The following CAD variants were observed in gnomAD, a reference collection of about 807,000 sequenced individuals.
CAD encodes the protein carbamoyl-phosphate synthetase 2, aspartate transcarbamylase, and dihydroorotase, also known as multifunctional protein CAD.
A neutral mutation model predicts 237.2 loss-of-function variants in CAD; 81 were observed. The observed-to-expected ratio is 0.34, with a 90% confidence interval of 0.29 to 0.41. The LOEUF is 0.41. Ranked by LOEUF, CAD falls within the 10% of genes least tolerant of loss-of-function variation. The pLI, the probability that CAD is intolerant of heterozygous loss-of-function variation, is 1.00. For missense variants in CAD, 2,181 were observed against 2,951.7 expected, an observed-to-expected ratio of 0.74 and a Z score of 6.05; for synonymous variants, 1,196 against 1,162.8, an observed-to-expected ratio of 1.03 and a Z score of -0.58.
rs892095238 is a variant in CAD, at chr2:27,240,414, C to T, written c.5593+53C>T. ...GACTGTGTAGGGACAGGATCCACTTCTTCCCAGTGCCTCGCCTTTCTCTAC... is the reference window on the plus strand; with the variant it reads ...GACTGTGTAGGGACAGGATCCACTTTTTCCCAGTGCCTCGCCTTTCTCTAC... On this transcript the variant is annotated intron_variant, in intron 35 of 43. Transcript: ENST00000264705. This position sits in a 1 kb window ranked among gnomAD's most constrained non-coding sequence, Gnocchi z 4.6. The T allele has an allele frequency of 8.4e-6, 13 of 1,546,606 alleles. No homozygotes were observed. The highest frequency in any genetic ancestry group is 2.2e-5 in the South Asian group (2 of 89,690).
In CAD at chr2:27,225,792, A is replaced by G; in HGVS notation, c.1708A>G (p.Asn570Asp). The G allele has an allele frequency of 1.2e-6, 2 of 1,614,138 alleles. No individual in the cohort carries two copies. The highest frequency in any genetic ancestry group is 1.7e-6 in the Non-Finnish European group (2 of 1,180,006). The change falls in exon 12 of 44, where the codon AAC (asparagine) becomes GAC (aspartate). Residue 570 changes from asparagine (N) to aspartate (D), a missense_variant. Physicochemically the swap from Asn to Asp is conservative, Grantham distance 23. Coordinates refer to ENST00000264705, the MANE Select transcript of CAD (RefSeq NM_004341.5). ...TGGCCTGGGCTCTGGCTTTGCCTCTAACAGGGAGGAGCTCTCTGCTCTCGT... is the reference window on the plus strand; with the variant it reads ...TGGCCTGGGCTCTGGCTTTGCCTCTGACAGGGAGGAGCTCTCTGCTCTCGT... ...LGGLGSGFAS[N>D]REELSALVAP...
chr2:27,221,248 G>A lies in CAD; in HGVS notation c.253G>A (p.Ala85Thr). 1 of 1,579,176 alleles carries A rather than the reference G, an allele frequency of 6.3e-7. No individual in the cohort carries two copies. Among genetic ancestry groups the A allele is most frequent in the Non-Finnish European group, 8.6e-7 (1 of 1,161,030 alleles). Residue 85 changes from alanine to threonine, a missense_variant, in exon 3 of 44, where the codon GCA (alanine) becomes ACA (threonine). By Grantham distance (58) the Ala-to-Thr change is moderately conservative. Transcript: ENST00000264705. ...WFESSGIHVA[A>T]LVVGECCPTP... ...TGAATCCTCGGGCATCCACGTAGCA[G>A]CACTGGTAGTGGGAGAGTGCTGTCC...
At position 27,223,652 on chromosome 2, in the gene CAD, A is replaced by G. The variant is rs768375609; in HGVS notation, c.899A>G (p.Glu300Gly). ...LTSQNHGFAV[E>G]TDSLPADWAP... ...TCCCAGAACCATGGGTTTGCTGTGGAGACAGACTCACTGCCAGCAGACTGG... is the reference window on the plus strand; with the variant it reads ...TCCCAGAACCATGGGTTTGCTGTGGGGACAGACTCACTGCCAGCAGACTGG... Residue 300 changes from glutamate to glycine, a missense_variant, in exon 7 of 44, where the codon GAG (glutamate) becomes GGG (glycine). By Grantham distance (98) the Glu-to-Gly change is moderately conservative. This residue lies in a region of CAD where 129 missense variants were observed against 143.3 expected (regional missense o/e 0.90). Transcript: ENST00000264705. 1.9e-6 allele frequency: 3 copies of G among 1,614,128 alleles called. No homozygotes were observed. The highest frequency in any genetic ancestry group is 2.5e-6 in the Non-Finnish European group (3 of 1,180,016).
chr2:27,235,322 G>A lies in CAD; in HGVS notation c.3864G>A (p.Val1288=), dbSNP rs776691809. Reference sequence around the variant, plus strand: ...TGGAAATGACCAGTACTGGGGAGGTGGCCGGCTTTGGGGAGAGCCGCTGTG... The same window carrying A: ...TGGAAATGACCAGTACTGGGGAGGTAGCCGGCTTTGGGGAGAGCCGCTGTG... ...LGVEMTSTGE[V]AGFGESRCEA... Residue 1288 remains valine, a synonymous_variant, in exon 24 of 44, where the codon GTG becomes GTA. Coordinates refer to ENST00000264705, the MANE Select transcript of CAD (RefSeq NM_004341.5). This position sits in a 1 kb window ranked among gnomAD's most constrained non-coding sequence, Gnocchi z 5.2. 17 of 1,613,952 alleles carry A rather than the reference G, an allele frequency of 1.1e-5. No individual in the cohort carries two copies. The highest frequency in any genetic ancestry group is 6.7e-5 in the East Asian group (3 of 44,872).
chr2:27,242,857 C>T lies in CAD; in HGVS notation c.6379-15C>T. The T allele has an allele frequency of 6.2e-7, 1 of 1,613,832 alleles. No homozygotes were observed. The highest frequency in any genetic ancestry group is 8.5e-7 in the Non-Finnish European group (1 of 1,179,692). On this transcript the variant is annotated splice_polypyrimidine_tract_variant and intron_variant, in intron 41 of 43. Transcript: ENST00000264705. This position sits in a 1 kb window ranked among gnomAD's most constrained non-coding sequence, Gnocchi z 6.4. ...GCCCAGCGCTGCATCCACCATGGCT[C>T]TCCTCACCCTCCAGGAGGAATTCGA...
rs1441460399 is a variant in CAD, at chr2:27,239,798, G to A, written c.5496G>A (p.Thr1832=). Residue 1832 remains threonine (T), a splice_region_variant and synonymous_variant, in exon 34 of 44, where the codon ACG becomes ACA. Transcript: ENST00000264705. The surrounding 1 kb of genome is among the most constrained non-coding windows in gnomAD (Gnocchi z 4.0). ...CCCCTGCCACTAGTGAGATGACCAC[G>A]GTATCCACACTACTGGGCTAGGGGG... ...PSAPATSEMT[T]TPERPRRGIP... 6 of 1,546,154 alleles carry A rather than the reference G, an allele frequency of 3.9e-6. No homozygotes were observed. Among genetic ancestry groups the A allele is most frequent in the South Asian group, 2.5e-5 (2 of 80,370 alleles).
rs1274326792 is a variant in CAD, at chr2:27,222,522, C to A, written c.499C>A (p.Pro167Thr). 1.9e-6 allele frequency: 3 copies of A among 1,613,818 alleles called. No individual in the cohort carries two copies. Among genetic ancestry groups the A allele is most frequent in the African/African-American group, 2.7e-5 (2 of 74,910 alleles). ...CCTTTATTCGTCTATTTCTCAGACT[C>A]CACGGGTATTCAATACAGGGGGTGC... ...PLVPEVSIKTPRVFNTGGAPR... is the reference protein window; with the variant it reads ...PLVPEVSIKTTRVFNTGGAPR... Residue 167 changes from proline (P) to threonine (T), a missense_variant, in exon 5 of 44, where the codon CCA (proline) becomes ACA (threonine). Transcript: ENST00000264705.
intron 23 of CAD, 121 bp downstream of exon 23, chr2:27,234,806 G>A: frequency 3.3e-6 from 3 of 919,690 alleles, no homozygotes; most frequent in Non-Finnish European, 5.0e-6. Context: ...GATCGTGGGG[G>A]TAATGAGGTG....
chr2:27,233,249 C>A lies in CAD; in HGVS notation c.2992-63C>A. Reference sequence around the variant, plus strand: ...GGTGGCGGCTGAGGGAAGCAGTGAGCAGGAAGGCTCAGATTCCTGCCCTCT... The same window carrying A: ...GGTGGCGGCTGAGGGAAGCAGTGAGAAGGAAGGCTCAGATTCCTGCCCTCT... On this transcript the variant is annotated intron_variant, in intron 19 of 43. Transcript: ENST00000264705. This position sits in a 1 kb window ranked among gnomAD's most constrained non-coding sequence, Gnocchi z 6.3. The A allele has an allele frequency of 1.3e-6, 2 of 1,530,436 alleles. No homozygotes were observed. The highest frequency in any genetic ancestry group is 1.8e-6 in the Non-Finnish European group (2 of 1,105,024). 94.8% of individuals were successfully genotyped at this position (1,530,436 alleles called of 1,614,324 possible).
In CAD at chr2:27,233,216, T is replaced by C; in HGVS notation, c.2991+76T>C. 1 of 1,513,196 alleles carries C rather than the reference T, an allele frequency of 6.6e-7. No individual in the cohort carries two copies. Among genetic ancestry groups the C allele is most frequent in the South Asian group, 1.1e-5 (1 of 88,436 alleles). The allele number at this position is 1,513,196 out of a possible 1,614,324, so 93.7% of individuals were successfully genotyped here. A position where few individuals can be genotyped will look rare whatever the true frequency, so the allele number is the denominator to read the frequency against. On this transcript the variant is annotated intron_variant, in intron 19 of 43. Transcript: ENST00000264705. The surrounding 1 kb of genome is among the most constrained non-coding windows in gnomAD (Gnocchi z 6.3). ...AACAGCTGGCTGACCTAAGATTCTT[T>C]GAAACTTGGTGGCGGCTGAGGGAAG...
chr2:27,221,832 A>G (rs951026348), intron 3 of CAD, among the ~76,000 whole-genome samples: 5 of 115,126 alleles, frequency 4.3e-5, no homozygotes, highest in Non-Finnish European at 6.7e-5. Context: ...CATTTGGTTG[A>G]TAAGTCTCTT....
intron 8 of CAD, 90 bp from the exon 9 acceptor site, chr2:27,224,255 T>C: frequency 7.0e-7 from 1 of 1,435,396 alleles, no homozygotes; most frequent in African/African-American, 1.4e-5. Context: ...TAATTTGCTC[T>C]GGACTCTTCT....
chr2:27,233,182 G>A lies in CAD; in HGVS notation c.2991+42G>A, dbSNP rs780567182. On this transcript the variant is annotated intron_variant, in intron 19 of 43. Transcript: ENST00000264705. This position sits in a 1 kb window ranked among gnomAD's most constrained non-coding sequence, Gnocchi z 6.3. ...CTTCCTGGTAGCTTGAGTGGCCAGG[G>A]TCGAGTAGAACAGCTGGCTGACCTA... 7 of 1,523,590 alleles carry A rather than the reference G, an allele frequency of 4.6e-6. 1 individual carries two copies. The highest frequency in any genetic ancestry group is 4.5e-5 in the South Asian group (4 of 89,018). The allele number at this position is 1,523,590 out of a possible 1,614,324, so 94.4% of individuals were successfully genotyped here.
chr2:27,227,238 C>CT (rs1343629065), intron 15 of CAD, among the ~76,000 whole-genome samples: 8 of 151,214 alleles, frequency 5.3e-5, no homozygotes, highest in South Asian at 4.2e-4. Flanking sequence ...ACTAAATGAC[C>CT]TTTTTTTTTA....
chr2:27,242,483 C>A lies in CAD; in HGVS notation c.6222+56C>A. 1 of 1,592,354 alleles carries A rather than the reference C, an allele frequency of 6.3e-7. No individual in the cohort carries two copies. Among genetic ancestry groups the A allele is most frequent in the Non-Finnish European group, 8.6e-7 (1 of 1,166,090 alleles). On this transcript the variant is annotated intron_variant, in intron 40 of 43. Transcript: ENST00000264705. This position sits in a 1 kb window ranked among gnomAD's most constrained non-coding sequence, Gnocchi z 6.4. ...CCAGGGGACGATCTAGAGAGGGAGG[C>A]AGGAAGTGGTTACCCCGGTACAGGA...
chr2:27,232,769 G>A lies in CAD; in HGVS notation c.2892+75G>A. The A allele has an allele frequency of 3.8e-6, 6 of 1,578,240 alleles. No homozygotes were observed. The South Asian group carries it at 6.8e-5, about 18-fold the overall frequency. On this transcript the variant is annotated intron_variant, in intron 18 of 43. Coordinates refer to ENST00000264705, the MANE Select transcript of CAD (RefSeq NM_004341.5). This position sits in a 1 kb window ranked among gnomAD's most constrained non-coding sequence, Gnocchi z 4.1. ...TAGCAATTGCTTGGCACTAATCCTG[G>A]CATTTCCTATTAATTGCCGTCCCTT...
Position 27,225,866 on chromosome 2 carries a change from GA to G in CAD, c.1784del (p.Lys595ArgfsTer11). 1 of 1,614,240 alleles carries G rather than the reference GA, an allele frequency of 6.2e-7. No homozygotes were observed. Among genetic ancestry groups the G allele is most frequent in the Non-Finnish European group, 8.5e-7 (1 of 1,180,040 alleles). On this transcript the variant is annotated frameshift_variant, in exon 12 of 44. Transcript: ENST00000264705. LOFTEE classifies it high-confidence loss of function. Reference sequence around the variant, plus strand: ...GCCAAGTGCTAGTAGACAAGTCTCTGAAGGGATGGAAGGAGATTGAGTACGA... The same window carrying G: ...GCCAAGTGCTAGTAGACAAGTCTCTGAGGGATGGAAGGAGATTGAGTACGA... ...TSQVLVDKSL[K>X]GWKEIEYEVV...
Position 27,222,270 on chromosome 2 carries a change from A to G in CAD, c.429A>G (p.Thr143=), listed in dbSNP as rs753772157. ...SLLGKLVQNG[T]EPSSLPFLDP... ...TGGGGAAGCTGGTCCAGAATGGAAC[A>G]GAACCTTCATCCCTGCCATTCTTGG... The change falls in exon 4 of 44, where the codon ACA becomes ACG. Residue 143 remains threonine, a synonymous_variant. Coordinates refer to ENST00000264705, the MANE Select transcript of CAD (RefSeq NM_004341.5). The G allele has an allele frequency of 6.2e-7, 1 of 1,614,078 alleles. No individual in the cohort carries two copies. The highest frequency in any genetic ancestry group is 1.7e-5 in the Admixed American group (1 of 60,006).
intron 2 of CAD, 72 bp from the exon 3 acceptor site, chr2:27,221,146 C>A: frequency 7.3e-7 from 1 of 1,360,692 alleles, no homozygotes; most frequent in Non-Finnish European, 9.9e-7. Flanking sequence ...GGGTCTGTGG[C>A]CACACAATCG....
Sources: gnomAD v4.1 joint callset for allele counts (sites outside exome capture counted in the v4.1 genomes callset) on GRCh38, gnomAD v4.1.1 for gene constraint, gnomAD v4.1.1 regional missense constraint, Gnocchi (gnomAD v3.1) non-coding constraint, MANE v1.5 for transcripts, NCBI Gene and HGNC (gene_info 2026-07-23, HGNC 2026-07-21) for gene names.